Variants in S100Z observed in about 807,000 individuals in gnomAD.
S100Z encodes protein S100-Z.
S100Z carries 11 observed loss-of-function variants against 8.5 expected under a neutral mutation model. The observed-to-expected ratio is 1.30, with a 90% confidence interval of 0.82 to 2.15. The LOEUF (loss-of-function observed/expected upper bound fraction) is 2.15, where lower values mean the gene tolerates loss of function less well. Ranked by LOEUF, S100Z falls within the 30% of genes most tolerant of loss-of-function variation. The probability of loss-of-function intolerance (pLI) is 0.00; values close to 1 mark genes in which losing one functional copy is unlikely to be tolerated. For synonymous variants in S100Z, 34 were observed against 43.8 expected (o/e 0.78, Z 0.89); for missense variants, 126 against 117.9 (o/e 1.07, Z -0.32).
At chr5:76,858,777 C>A (rs1750961770) in intron 1 of S100Z, among the ~76,000 whole-genome samples, 2 of 152,124 alleles carry the variant, frequency 1.3e-5, no homozygotes, top group Non-Finnish European at 2.9e-5. Flanking sequence ...ACTGTAACTT[C>A]CAAAGAGAAA....
chr5:76,850,350 GA>G (rs1750690535), intron 1 of S100Z, among the ~76,000 whole-genome samples, 195 bp downstream of exon 1: 1 of 148,094 alleles, frequency 6.8e-6, no homozygotes, highest in Non-Finnish European at 1.5e-5. Context: ...GAGAGAGAGA[GA>G]GAGAGAGGGA....
At chr5:76,932,772 T>A in the S100Z span, among the ~76,000 whole-genome samples, 3 of 152,146 alleles carry the variant, frequency 2.0e-5, no homozygotes, top group East Asian at 5.8e-4. Flanking sequence ...TCATTTATTT[T>A]TTCATCAACG....
the S100Z span, among the ~76,000 whole-genome samples, chr5:76,934,648 C>T: frequency 6.6e-6 from 1 of 152,232 alleles, no homozygotes; most frequent in African/African-American, 2.4e-5. Flanking sequence ...GTTCTTTTGT[C>T]TCTTCCACCA....
chr5:76,886,422 G>A (rs1038001735), intron 4 of S100Z, among the ~76,000 whole-genome samples: 4 of 152,190 alleles, frequency 2.6e-5, no homozygotes, highest in Non-Finnish European at 5.9e-5. Flanking sequence ...GATTGGAGAA[G>A]AGAGTAAAAA....
chr5:76,904,167 T>C (rs1744337994), intron 4 of S100Z, among the ~76,000 whole-genome samples: 1 of 152,188 alleles, frequency 6.6e-6, no homozygotes. Context: ...TTGCCAAATA[T>C]GTGTTTTACA....
In S100Z at chr5:76,890,944, C is replaced by T. The variant is rs1047693706; in HGVS notation, c.*2+13110C>T. On this transcript the variant is annotated intron_variant, in intron 4 of 4. Transcript: ENST00000317593. Reference sequence around the variant, plus strand: ...ATGGCACAGTCTCGGCTCACTGCAACCTTCGCCTCTGGGTTCAAGCAATTC... The same window carrying T: ...ATGGCACAGTCTCGGCTCACTGCAATCTTCGCCTCTGGGTTCAAGCAATTC... Among the ~76,000 whole-genome samples, 5 of 152,298 alleles carry T rather than the reference C, an allele frequency of 3.3e-5. 1 individual carries two copies. The South Asian group carries it at 1.0e-3, about 32-fold the overall frequency.
At chr5:76,865,739 G>T (rs796454402) in intron 1 of S100Z, among the ~76,000 whole-genome samples, 3 of 151,676 alleles carry the variant, frequency 2.0e-5, no homozygotes, top group Non-Finnish European at 2.9e-5. Flanking sequence ...TTGGCTGGGC[G>T]CAGTGGCTCA....
chr5:76,880,103 T>C (rs1357271429), intron 4 of S100Z, among the ~76,000 whole-genome samples: 1 of 152,184 alleles, frequency 6.6e-6, no homozygotes, highest in Admixed American at 6.5e-5. Context: ...TCTCACAAAG[T>C]ACATTCTCAA....
intron 4 of S100Z, among the ~76,000 whole-genome samples, chr5:76,909,372 GA>G (rs1368432495): frequency 3.3e-5 from 5 of 152,114 alleles, no homozygotes; most frequent in Non-Finnish European, 7.4e-5. Context: ...CTCTGATGGG[GA>G]AAAATGGCCA....
chr5:76,859,643 G>T (rs1024233409), intron 1 of S100Z, among the ~76,000 whole-genome samples: 4 of 151,698 alleles, frequency 2.6e-5, no homozygotes, highest in Non-Finnish European at 5.9e-5. Flanking sequence ...TTAGCTGGGC[G>T]TGGTGGCGGG....
chr5:76,929,591 G>C, the S100Z span, among the ~76,000 whole-genome samples: 2 of 152,066 alleles, frequency 1.3e-5, no homozygotes, highest in Non-Finnish European at 2.9e-5. Context: ...AGTATTTTGG[G>C]TCTGTACACC....
At chr5:76,876,357 C>T (rs561869491) in intron 3 of S100Z, among the ~76,000 whole-genome samples, 2 of 151,178 alleles carry the variant, frequency 1.3e-5, no homozygotes, top group Non-Finnish European at 2.9e-5. Flanking sequence ...CCTCTCATTC[C>T]GTTTGGCTAC....
the S100Z span, among the ~76,000 whole-genome samples, chr5:76,934,644 T>G: frequency 6.6e-6 from 1 of 152,206 alleles, no homozygotes; most frequent in Non-Finnish European, 1.5e-5. Flanking sequence ...TCTTGTTCTT[T>G]TGTCTCTTCC....
chr5:76,903,502 T>C (rs1744307149), intron 4 of S100Z, among the ~76,000 whole-genome samples: 1 of 152,202 alleles, frequency 6.6e-6, no homozygotes, highest in African/African-American at 2.4e-5. Context: ...ACTGAATAAA[T>C]CTGCTACAAA....
chr5:76,893,605 C>T (rs1484772402), intron 4 of S100Z, among the ~76,000 whole-genome samples: 1 of 152,014 alleles, frequency 6.6e-6, no homozygotes, highest in East Asian at 1.9e-4. Flanking sequence ...AAAGTCTAAA[C>T]CATTGAGACA....
At chr5:76,951,959 C>A in the S100Z span, among the ~76,000 whole-genome samples, 11,974 of 152,186 alleles carry the variant, frequency 0.079, 510 homozygotes, top group East Asian at 0.17. Flanking sequence ...GAAAATATAG[C>A]CATTCCTTCC....
At chr5:76,890,509 A>C (rs1437085942) in intron 4 of S100Z, among the ~76,000 whole-genome samples, 1 of 152,138 alleles carries the variant, frequency 6.6e-6, no homozygotes, top group Non-Finnish European at 1.5e-5. Flanking sequence ...GGATCTGCTG[A>C]TGTGGTGACG....
chr5:76,889,786 T>C (rs960476276), intron 4 of S100Z, among the ~76,000 whole-genome samples: 6 of 152,272 alleles, frequency 3.9e-5, no homozygotes, highest in Non-Finnish European at 8.8e-5. Context: ...TGGTTGTTTC[T>C]TATGCCCGGG....
chr5:76,936,616 T>TAC, the S100Z span, among the ~76,000 whole-genome samples: 19,599 of 133,922 alleles, frequency 0.15, 1,342 homozygotes, highest in African/African-American at 0.17. Context: ...TTAAAGTTCC[T>TAC]ACACACACAC....
Sources: gnomAD v4.1 joint callset for allele counts (sites outside exome capture counted in the v4.1 genomes callset) on GRCh38, gnomAD v4.1.1 for gene constraint, MANE v1.5 for transcripts, NCBI Gene and HGNC (gene_info 2026-07-23, HGNC 2026-07-21) for gene names.